The following LRRTM4 variants were observed in gnomAD, a reference collection of about 807,000 sequenced individuals.
The protein encoded by LRRTM4 is leucine rich repeat transmembrane neuronal 4, also known as leucine-rich repeat transmembrane neuronal protein 4.
In LRRTM4, 25 loss-of-function variants were observed where a neutral mutation model predicts 47.6. The ratio of observed to expected loss-of-function variants is 0.53; its 90% CI spans 0.38 to 0.73. The LOEUF is 0.73. Ranked by LOEUF, LRRTM4 falls within the 30% of genes least tolerant of loss-of-function variation. LRRTM4 has a pLI of 0.00. For missense variants in LRRTM4, 638 were observed against 713.4 expected (o/e 0.89, Z 1.20); for synonymous variants, 311 against 269.5 (o/e 1.15, Z -1.51).
intron 3 of LRRTM4, among the ~76,000 whole-genome samples, chr2:77,201,384 G>A (rs943052305): frequency 1.3e-5 from 2 of 151,868 alleles, no homozygotes. Context: ...TGCTAACTTT[G>A]GTTATATGAT....
intron 3 of LRRTM4, among the ~76,000 whole-genome samples, chr2:76,799,520 C>T (rs1451695847): frequency 6.9e-6 from 1 of 144,244 alleles, no homozygotes; most frequent in Non-Finnish European, 1.5e-5. Flanking sequence ...AAACTGCAAG[C>T]ATTCCCTTTG....
chr2:76,891,232 T>A (rs1267694789), intron 3 of LRRTM4, among the ~76,000 whole-genome samples: 1 of 151,664 alleles, frequency 6.6e-6, no homozygotes, highest in African/African-American at 2.4e-5. Flanking sequence ...AAAAAATCTT[T>A]AGTTAATTAT....
Position 77,167,729 on chromosome 2 carries a change from A to T in LRRTM4, c.1551+350589T>A, listed in dbSNP as rs185510494. ...AGAAAACCAAACACTGCATGTTCTCACTCATAGGTGGGAATTAAACAATGA... is the reference window on the plus strand; with the variant it reads ...AGAAAACCAAACACTGCATGTTCTCTCTCATAGGTGGGAATTAAACAATGA... On this transcript the variant is annotated intron_variant, in intron 3 of 3. Coordinates refer to ENST00000409884, the MANE Select transcript of LRRTM4 (RefSeq NM_001134745.3). 1.1e-3 allele frequency among the ~76,000 whole-genome samples: 161 copies of T among 152,224 alleles called. 2 individuals are homozygous for T. The highest frequency in any genetic ancestry group is 3.1e-3 in the African/African-American group (127 of 41,538).
chr2:77,309,519 C>A (rs964691214), intron 3 of LRRTM4, among the ~76,000 whole-genome samples: 16 of 152,042 alleles, frequency 1.1e-4, no homozygotes, highest in Admixed American at 2.0e-4. Context: ...CAAGGCTCAC[C>A]AAGACCCTTT....
At chr2:76,840,428 C>A (rs1671638088) in intron 3 of LRRTM4, among the ~76,000 whole-genome samples, 1 of 152,170 alleles carries the variant, frequency 6.6e-6, no homozygotes, top group African/African-American at 2.4e-5. Flanking sequence ...TGGCACCCAA[C>A]AGGTGTTTAA....
chr2:77,364,357 C>T (rs1194554576), intron 3 of LRRTM4, among the ~76,000 whole-genome samples: 1 of 151,992 alleles, frequency 6.6e-6, no homozygotes, highest in Non-Finnish European at 1.5e-5. Flanking sequence ...AACGTTGATT[C>T]AATTTTAAAG....
chr2:76,904,765 A>G (rs1175346729), intron 3 of LRRTM4, among the ~76,000 whole-genome samples: 2 of 152,170 alleles, frequency 1.3e-5, no homozygotes, highest in African/African-American at 2.4e-5. Context: ...CAAATGTAAC[A>G]TATGTAAAAA....
At chr2:76,980,427 A>G (rs927292410) in intron 3 of LRRTM4, among the ~76,000 whole-genome samples, 3 of 152,144 alleles carry the variant, frequency 2.0e-5, no homozygotes, top group African/African-American at 7.2e-5. Context: ...ATTTTCAAAT[A>G]CATAAATTTT....
chr2:77,361,038 A>T (rs1672187178), intron 3 of LRRTM4, among the ~76,000 whole-genome samples: 2 of 152,046 alleles, frequency 1.3e-5, no homozygotes, highest in South Asian at 4.1e-4. Flanking sequence ...CATTAAAAAA[A>T]CTCACCATCT....
At chr2:77,196,422 A>G (rs1673828120) in intron 3 of LRRTM4, among the ~76,000 whole-genome samples, 1 of 152,208 alleles carries the variant, frequency 6.6e-6, no homozygotes, top group African/African-American at 2.4e-5. Context: ...AGAAGTAAAC[A>G]AAAGAAAAAA....
intron 3 of LRRTM4, among the ~76,000 whole-genome samples, chr2:77,426,324 A>G (rs539800737): frequency 1.6e-4 from 24 of 152,230 alleles, no homozygotes; most frequent in Non-Finnish European, 2.5e-4. Flanking sequence ...AATCATCTAC[A>G]TACATGTACC....
At chr2:77,370,134 C>A (rs1672607224) in intron 3 of LRRTM4, among the ~76,000 whole-genome samples, 1 of 151,622 alleles carries the variant, frequency 6.6e-6, no homozygotes. Flanking sequence ...CAAACACAAG[C>A]AAGGTTGTTG....
rs922564100 is a variant in LRRTM4, at chr2:76,828,546, A to C, written c.1552-79630T>G. Among the ~76,000 whole-genome samples the C allele has an allele frequency of 2.6e-5, 4 of 151,916 alleles. No individual in the cohort carries two copies. In the Admixed American group the frequency reaches 2.6e-4, roughly 10 times the overall value. On this transcript the variant is annotated intron_variant, in intron 3 of 3. Coordinates refer to ENST00000409884, the MANE Select transcript of LRRTM4 (RefSeq NM_001134745.3). ...GCTGCCCTTTGAGAAAGGATAAGAG[A>C]AATGTGTATAGGTTCATTAGAAAGT... is the stretch of plus-strand genomic sequence containing the variant.
At chr2:77,128,333 T>C (rs1021723540) in intron 3 of LRRTM4, among the ~76,000 whole-genome samples, 78 of 152,120 alleles carry the variant, frequency 5.1e-4, no homozygotes, top group African/African-American at 1.9e-3. Flanking sequence ...ACTTGGAATT[T>C]GATATCTGGA....
chr2:77,466,673 C>G (rs959578869), intron 3 of LRRTM4, among the ~76,000 whole-genome samples: 1 of 149,392 alleles, frequency 6.7e-6, no homozygotes, highest in Non-Finnish European at 1.5e-5. Context: ...ATATTTGGTG[C>G]TATGATAAAA....
chr2:76,966,325 G>GGAGGAAGTGGGA (rs1429233448), intron 3 of LRRTM4, among the ~76,000 whole-genome samples: 2 of 151,300 alleles, frequency 1.3e-5, no homozygotes, highest in Admixed American at 6.6e-5. Context: ...AGGGAGCAAA[G>GGAGGAAGTGGGA]GAGGAAGTGG....
At chr2:77,041,599 T>C (rs1679036196) in intron 3 of LRRTM4, among the ~76,000 whole-genome samples, 1 of 151,376 alleles carries the variant, frequency 6.6e-6, no homozygotes, top group Non-Finnish European at 1.5e-5. Flanking sequence ...TTTTAGCCAT[T>C]CTAGCTAGAG....
At chr2:77,010,824 A>G (rs775140824) in intron 3 of LRRTM4, among the ~76,000 whole-genome samples, 3 of 152,188 alleles carry the variant, frequency 2.0e-5, no homozygotes, top group Non-Finnish European at 4.4e-5. Context: ...TTAGTCAACT[A>G]AAGTCTTATC....
chr2:77,376,296 T>C (rs1458968446), intron 3 of LRRTM4, among the ~76,000 whole-genome samples: 1 of 151,792 alleles, frequency 6.6e-6, no homozygotes, highest in African/African-American at 2.4e-5. Context: ...AACTCTTATC[T>C]AATTTCCCCT....
Sources: allele counts gnomAD v4.1 joint callset (sites outside exome capture counted in the v4.1 genomes callset), GRCh38; gene constraint gnomAD v4.1.1; transcripts MANE v1.5; gene names NCBI Gene and HGNC (gene_info 2026-07-23, HGNC 2026-07-21).